FRMD4A: variants seen among roughly 807,000 people sequenced by gnomAD.
FRMD4A encodes the protein FERM domain-containing protein 4A.
A neutral mutation model predicts 129.1 loss-of-function variants in FRMD4A; 29 were observed. That is an observed-to-expected ratio of 0.22 (90% confidence interval 0.17 to 0.31). The LOEUF is 0.31. Among genes scored for constraint, FRMD4A ranks in the 10% least tolerant of loss-of-function variants. FRMD4A has a pLI of 1.00. For missense variants in FRMD4A, 1,272 were observed against 1,375.8 expected, an observed-to-expected ratio of 0.92 and a Z score of 1.19; for synonymous variants, 634 against 571.6, an observed-to-expected ratio of 1.11 and a Z score of -1.56.
chr10:14,110,179 A>G (rs1483126581), intron 2 of FRMD4A, among the ~76,000 whole-genome samples: 2 of 144,882 alleles, frequency 1.4e-5, no homozygotes, highest in Non-Finnish European at 3.0e-5. Flanking sequence ...TGTTTTATCC[A>G]TGAGCCATAG....
At chr10:13,670,579 G>A in intron 16 of FRMD4A, 51 bp from the exon 17 acceptor site, 2 of 1,598,080 alleles carry the variant, frequency 1.3e-6, no homozygotes, top group South Asian at 2.2e-5. Context: ...AGTGGGGCGT[G>A]TCTGCTTCCT....
At chr10:14,303,221 C>A (rs1846242968) in intron 2 of FRMD4A, among the ~76,000 whole-genome samples, 1 of 152,170 alleles carries the variant, frequency 6.6e-6, no homozygotes, top group South Asian at 2.1e-4. Context: ...TCTAGGGTAA[C>A]CAGGGTTGAG....
chr10:13,871,728 C>T (rs773269309), intron 2 of FRMD4A, among the ~76,000 whole-genome samples: 10 of 152,200 alleles, frequency 6.6e-5, no homozygotes, highest in Non-Finnish European at 1.3e-4. Context: ...GCTGTTAGAT[C>T]CTCTTGCATC....
chr10:14,245,390 GT>G (rs1844197334), intron 2 of FRMD4A, among the ~76,000 whole-genome samples: 1 of 152,158 alleles, frequency 6.6e-6, no homozygotes, highest in African/African-American at 2.4e-5. Flanking sequence ...AAGGAAGTTA[GT>G]TCAAACAAAT....
Position 13,660,525 on chromosome 10 carries a change from G to A in FRMD4A, c.1689C>T (p.Ser563=), listed in dbSNP as rs142789644. 110 of 1,611,588 alleles carry A rather than the reference G, an allele frequency of 6.8e-5. No individual in the cohort carries two copies. The African/African-American group carries it at 1.3e-3, about 19-fold the overall frequency. ...GTCCCTTGTGAGGAGAATGTAGGGGGGATATTGTGCTGGTAACCTGAGAGT... is the reference window on the plus strand; with the variant it reads ...GTCCCTTGTGAGGAGAATGTAGGGGAGATATTGTGCTGGTAACCTGAGAGT... ...DEDSQVTSTI[S]PLHSPHKGLP... The change falls in exon 20 of 25, where the codon TCC becomes TCT. Residue 563 remains serine (S), a synonymous_variant. Transcript: ENST00000357447.
At chr10:14,209,552 T>G (rs1006689914) in intron 2 of FRMD4A, among the ~76,000 whole-genome samples, 1 of 151,748 alleles carries the variant, frequency 6.6e-6, no homozygotes, top group Non-Finnish European at 1.5e-5. Context: ...AAACCCCGTC[T>G]CTACTAAAAA....
chr10:13,982,340 G>A (rs2095564812), intron 2 of FRMD4A, among the ~76,000 whole-genome samples: 1 of 151,926 alleles, frequency 6.6e-6, no homozygotes, highest in Non-Finnish European at 1.5e-5. Flanking sequence ...AAAATTAGCT[G>A]GGCACGGTGG....
intron 2 of FRMD4A, among the ~76,000 whole-genome samples, chr10:13,960,498 T>C (rs2095439695): frequency 6.6e-6 from 1 of 152,172 alleles, no homozygotes; most frequent in African/African-American, 2.4e-5. Context: ...ACTTTATATA[T>C]ATAGTCTCAT....
chr10:13,919,813 C>A (rs2131254093), intron 2 of FRMD4A, among the ~76,000 whole-genome samples: 1 of 152,170 alleles, frequency 6.6e-6, no homozygotes, highest in East Asian at 1.9e-4. Context: ...TGGCATGTGC[C>A]TGTAATCCCA....
intron 3 of FRMD4A, among the ~76,000 whole-genome samples, chr10:13,846,454 G>A (rs944658606): frequency 6.6e-6 from 1 of 152,196 alleles, no homozygotes; most frequent in South Asian, 2.1e-4. Context: ...GGGGGTGAAG[G>A]TGATGGGGTT....
intron 2 of FRMD4A, among the ~76,000 whole-genome samples, chr10:14,219,585 TTTGC>T (rs1843181670): frequency 6.6e-6 from 1 of 152,150 alleles, no homozygotes; most frequent in Admixed American, 6.5e-5. Context: ...GCTGCAAACC[TTTGC>T]TTTTTCTACT....
At chr10:14,167,107 C>T (rs1841222198) in intron 2 of FRMD4A, among the ~76,000 whole-genome samples, 1 of 151,828 alleles carries the variant, frequency 6.6e-6, no homozygotes, top group African/African-American at 2.4e-5. Flanking sequence ...ATGTTCCGAG[C>T]TCAAAAAAAG....
At position 14,330,156 on chromosome 10, in the gene FRMD4A, C is replaced by T. The variant is rs1490983052; in HGVS notation, c.-54G>A. ...CTGCCGAGTCAGTCCTCCTGGGCCC[C>T]GGGTGGCTACAGAGCATCCAAAAGC... On this transcript the variant is annotated 5_prime_UTR_variant, in exon 2 of 25. Coordinates refer to ENST00000357447, the MANE Select transcript of FRMD4A (RefSeq NM_018027.5). 6.6e-5 allele frequency: 102 copies of T among 1,534,670 alleles called. No homozygotes were observed. The highest frequency in any genetic ancestry group is 8.7e-5 in the Non-Finnish European group (99 of 1,133,206).
chr10:14,155,682 T>C (rs1182859214), intron 2 of FRMD4A, among the ~76,000 whole-genome samples: 1 of 152,154 alleles, frequency 6.6e-6, no homozygotes, highest in Non-Finnish European at 1.5e-5. Context: ...CTCTGAGATA[T>C]TGGGATAATA....
At chr10:14,128,045 CCTCTTTCTTTCTTTCTTTCTTTCTT>C (rs1564319971) in intron 2 of FRMD4A, among the ~76,000 whole-genome samples, 1,652 of 75,554 alleles carry the variant, frequency 0.022, 90 homozygotes, top group Admixed American at 0.078. Flanking sequence ...CCTTTCTTTC[CCTCTTTCTTTCTTTCTTTCTTTCTT>C]TCTTTCTTTC....
At chr10:14,301,304 T>C (rs1846177805) in intron 2 of FRMD4A, among the ~76,000 whole-genome samples, 1 of 152,180 alleles carries the variant, frequency 6.6e-6, no homozygotes, top group East Asian at 1.9e-4. Flanking sequence ...CATTACTGAG[T>C]TCTGTGATTC....
At chr10:13,853,654 C>T (rs575068894) in intron 3 of FRMD4A, among the ~76,000 whole-genome samples, 4 of 151,890 alleles carry the variant, frequency 2.6e-5, no homozygotes, top group South Asian at 4.2e-4. Flanking sequence ...GTCAACACGG[C>T]GCAACCCTGT....
intron 2 of FRMD4A, among the ~76,000 whole-genome samples, chr10:14,299,672 C>G (rs1251160963): frequency 1.3e-5 from 2 of 152,134 alleles, no homozygotes; most frequent in Non-Finnish European, 2.9e-5. Flanking sequence ...GCCATAAGCA[C>G]AGAAGCCTAT....
intron 2 of FRMD4A, chr10:14,008,343 G>A: frequency 1.9e-6 from 2 of 1,028,140 alleles, no homozygotes; most frequent in Non-Finnish European, 2.3e-6. Flanking sequence ...TCAGGAGGAG[G>A]GGGGATGGGA....
Sources: allele counts gnomAD v4.1 joint callset (sites outside exome capture counted in the v4.1 genomes callset), GRCh38; gene constraint gnomAD v4.1.1; transcripts MANE v1.5; gene names NCBI Gene and HGNC (gene_info 2026-07-23, HGNC 2026-07-21).